SLC29A4: variants seen among roughly 807,000 people sequenced by gnomAD.
SLC29A4 encodes solute carrier family 29 member 4, also known as equilibrative nucleoside transporter 4.
SLC29A4 carries 36 observed loss-of-function variants against 43.9 expected under a neutral mutation model. The ratio of observed to expected loss-of-function variants is 0.82; its 90% confidence interval spans 0.63 to 1.08. The LOEUF (loss-of-function observed/expected upper bound fraction) is 1.08. SLC29A4 is among the 50% of genes least tolerant of loss of function. The pLI, the probability that SLC29A4 is intolerant of heterozygous loss-of-function variation, is 0.00. For synonymous variants in SLC29A4, 491 were observed against 338.0 expected (o/e 1.45, Z -4.97); for missense variants, 869 against 755.3 (o/e 1.15, Z -1.77).
intron 5 of SLC29A4, among the ~76,000 whole-genome samples, chr7:5,293,818 T>A (rs1785469596): frequency 1.3e-5 from 2 of 152,094 alleles, no homozygotes; most frequent in Non-Finnish European, 2.9e-5. Flanking sequence ...TTTTAAAAAA[T>A]TTTTGTCTCC....
rs370794151 is a variant in SLC29A4 at position 5,290,706 on chromosome 7, G to T, written c.170-26G>T. 12 of 1,593,062 alleles carry T rather than the reference G, an allele frequency of 7.5e-6. No individual in the cohort carries two copies. The African/African-American group carries it at 1.5e-4, about 20-fold the overall frequency. On this transcript the variant is annotated intron_variant, in intron 2 of 10. Transcript: ENST00000396872. ...TGTAGCCATGCGTGGAGCGTGCCCC[G>T]TCTCACCTGGTGTCTCTGGCTTTAG... is the stretch of plus-strand genomic sequence containing the variant.
chr7:5,300,815 C>A (rs965890098), intron 10 of SLC29A4, among the ~76,000 whole-genome samples, 153 bp downstream of exon 10: 2 of 152,240 alleles, frequency 1.3e-5, no homozygotes, highest in African/African-American at 2.4e-5. Context: ...TGGGGACATT[C>A]TCAGCCACTT....
chr7:5,285,327 C>T (rs1332652133), intron 1 of SLC29A4, among the ~76,000 whole-genome samples: 8 of 145,648 alleles, frequency 5.5e-5, no homozygotes, highest in Admixed American at 1.4e-4. Context: ...GAGGGGCAGT[C>T]AGGGGAGCCT....
At chr7:5,293,905 G>A (rs1434374480) in intron 5 of SLC29A4, among the ~76,000 whole-genome samples, 5 of 152,120 alleles carry the variant, frequency 3.3e-5, no homozygotes, top group African/African-American at 1.2e-4. Flanking sequence ...AGGAGTTCGA[G>A]ACCAGTCTGG....
chr7:5,291,712 C>T lies in SLC29A4; in HGVS notation c.435C>T (p.Gly145=), dbSNP rs144814488. The T allele has an allele frequency of 3.1e-4, 492 of 1,611,550 alleles. 1 individual carries two copies. The highest frequency in any genetic ancestry group is 3.4e-4 in the Non-Finnish European group (406 of 1,179,592). Residue 145 remains glycine (G), a synonymous_variant, in exon 5 of 11, where the codon GGC becomes GGT. Transcript: ENST00000396872. ...CAACAGGCTACCTCTTAGCCTTGGG[C>T]CCTCTCCTTTTTATCAGCATCTGCG... is the stretch of plus-strand genomic sequence containing the variant. ...RITAGYLLAL[G]PLLFISICDV... is the part of the protein sequence containing the mutation.
At chr7:5,300,946 GGACT>G (rs1218819836) in intron 10 of SLC29A4, among the ~76,000 whole-genome samples, 1 of 152,156 alleles carries the variant, frequency 6.6e-6, no homozygotes, top group East Asian at 1.9e-4. Flanking sequence ...CCGTGCTGTG[GGACT>G]GACTGTCCAG....
intron 1 of SLC29A4, among the ~76,000 whole-genome samples, chr7:5,285,252 C>T (rs1310546141): frequency 3.9e-5 from 6 of 152,118 alleles, no homozygotes; most frequent in Admixed American, 6.5e-5. Context: ...AAGCCCTGCT[C>T]GGCCGCCACC....
At chr7:5,297,608 G>C (rs7786915) in intron 7 of SLC29A4, among the ~76,000 whole-genome samples, 76 of 152,204 alleles carry the variant, frequency 5.0e-4, no homozygotes, top group Non-Finnish European at 8.2e-4. Context: ...CCTCCTGCAG[G>C]CTCAGCCTGG....
In SLC29A4 at chr7:5,296,838, G is replaced by T. The variant is rs1223459238; in HGVS notation, c.620-98G>T. Reference sequence around the variant, plus strand: ...AGGGCCTGTGGTGGAGGGCGGGGCCGGTGGGGAGGGGTCTGTGTGTGGACG... The same window carrying T: ...AGGGCCTGTGGTGGAGGGCGGGGCCTGTGGGGAGGGGTCTGTGTGTGGACG... On this transcript the variant is annotated intron_variant, in intron 6 of 10. Coordinates refer to ENST00000396872, the MANE Select transcript of SLC29A4 (RefSeq NM_153247.4). 161 of 1,336,674 alleles carry T rather than the reference G, an allele frequency of 1.2e-4. No homozygotes were observed. The South Asian group carries it at 1.9e-3, about 16-fold the overall frequency. 82.8% of individuals were successfully genotyped at this position (1,336,674 alleles called of 1,614,324 possible).
intron 6 of SLC29A4, 106 bp downstream of exon 6, chr7:5,295,040 T>A: frequency 9.8e-7 from 1 of 1,016,446 alleles, no homozygotes; most frequent in Non-Finnish European, 1.5e-6. Flanking sequence ...GGAGGGAGGC[T>A]CACAATCCCT....
At chr7:5,295,963 C>G (rs1379036333) in intron 6 of SLC29A4, among the ~76,000 whole-genome samples, 1 of 152,126 alleles carries the variant, frequency 6.6e-6, no homozygotes, top group Non-Finnish European at 1.5e-5. Flanking sequence ...ATGGCCCTGA[C>G]CCACCCTGCC....
rs572007641 is a variant in SLC29A4, at chr7:5,300,304, C to T, written c.1210-118C>T. The T allele has an allele frequency of 4.2e-5, 62 of 1,476,058 alleles. No homozygotes were observed. In the African/African-American group the frequency reaches 7.5e-4, roughly 18 times the overall value. 91.4% of individuals were successfully genotyped at this position (1,476,058 alleles called of 1,614,324 possible). A position where few individuals can be genotyped will look rare whatever the true frequency, so the allele number is the denominator to read the frequency against. On this transcript the variant is annotated intron_variant, in intron 9 of 10. Coordinates refer to ENST00000396872, the MANE Select transcript of SLC29A4 (RefSeq NM_153247.4). ...ATCCGGAGAAGGGCAGGGGTGCAGG[C>T]TGAGCTGGACAGGCCCAGGAGTGTT...
chr7:5,293,522 A>C (rs141386685), intron 5 of SLC29A4, among the ~76,000 whole-genome samples: 2 of 152,338 alleles, frequency 1.3e-5, no homozygotes, highest in Non-Finnish European at 2.9e-5. Flanking sequence ...GAAGAAAGCA[A>C]TACATTTTAT....
chr7:5,295,500 C>T (rs1785591460), intron 6 of SLC29A4, among the ~76,000 whole-genome samples: 2 of 152,218 alleles, frequency 1.3e-5, no homozygotes, highest in African/African-American at 4.8e-5. Flanking sequence ...CGGCCCTTCT[C>T]CAAGTCCTAG....
At position 5,293,426 on chromosome 7, in the gene SLC29A4, T is replaced by C. The variant is rs191337000; in HGVS notation, c.545-1434T>C. Among the ~76,000 whole-genome samples, 979 of 152,232 alleles carry C rather than the reference T, an allele frequency of 6.4e-3. 38 individuals are homozygous for C. Among genetic ancestry groups the C allele is most frequent in the Admixed American group, 0.048 (738 of 15,276 alleles). ...ACCTTGTGATCTGCCTGCCTCAGCC[T>C]CCCAAAGTGCTAGGATTACAGGCGT... On this transcript the variant is annotated intron_variant, in intron 5 of 10. Transcript: ENST00000396872.
At chr7:5,299,784 C>T (rs563334979) in intron 9 of SLC29A4, among the ~76,000 whole-genome samples, 28 of 152,360 alleles carry the variant, frequency 1.8e-4, no homozygotes, top group Non-Finnish European at 3.4e-4. Context: ...GGTGCAGTGG[C>T]TTATGCCTGT....
intron 1 of SLC29A4, among the ~76,000 whole-genome samples, chr7:5,287,136 G>A (rs145633640): frequency 3.9e-5 from 6 of 152,296 alleles, no homozygotes; most frequent in Non-Finnish European, 8.8e-5. Context: ...ACCAGGTGAG[G>A]GCTGGGCGCA....
rs1786544453 is a variant in SLC29A4, at chr7:5,306,784, A to C, written c.*3845A>C. 1 of 152,034 alleles carries C rather than the reference A, an allele frequency of 6.6e-6. No individual in the cohort carries two copies. Among genetic ancestry groups the C allele is most frequent in the African/African-American group, 2.4e-5 (1 of 41,400 alleles). 9.4% of individuals were successfully genotyped at this position (152,034 alleles called of 1,614,324 possible). A position where few individuals can be genotyped will look rare whatever the true frequency, so the allele number is the denominator to read the frequency against. ...TCCAGCCCCTGAAATAAACCACTCCAGACAATTTTATTTTTCCAATTAAAT... is the reference window on the plus strand; with the variant it reads ...TCCAGCCCCTGAAATAAACCACTCCCGACAATTTTATTTTTCCAATTAAAT... On this transcript the variant is annotated 3_prime_UTR_variant, in exon 11 of 11. Coordinates refer to ENST00000396872, the MANE Select transcript of SLC29A4 (RefSeq NM_153247.4).
chr7:5,300,901 G>C (rs1178406778), intron 10 of SLC29A4, among the ~76,000 whole-genome samples: 2 of 152,172 alleles, frequency 1.3e-5, no homozygotes, highest in African/African-American at 4.8e-5. Flanking sequence ...GCTTTTCAAG[G>C]CACCGGGGAC....
Sources: allele counts gnomAD v4.1 joint callset (sites outside exome capture counted in the v4.1 genomes callset), GRCh38; gene constraint gnomAD v4.1.1; transcripts MANE v1.5; gene names NCBI Gene and HGNC (gene_info 2026-07-23, HGNC 2026-07-21).